Variants in TSHZ2 observed in about 807,000 individuals in gnomAD.
TSHZ2 encodes teashirt homolog 2.
TSHZ2 carries 21 observed loss-of-function variants against 74.4 expected under a neutral mutation model. The ratio of observed to expected loss-of-function variants is 0.28; its 90% CI spans 0.20 to 0.41. The LOEUF is 0.41. Among genes scored for constraint, TSHZ2 ranks in the 10% least tolerant of loss-of-function variants. The pLI, the probability that TSHZ2 is intolerant of heterozygous loss-of-function variation, is 1.00. For synonymous variants in TSHZ2, 540 were observed against 515.3 expected, an observed-to-expected ratio of 1.05 and a Z score of -0.65; for missense variants, 1,244 against 1,293.5, an observed-to-expected ratio of 0.96 and a Z score of 0.59.
intron 1 of TSHZ2, among the ~76,000 whole-genome samples, chr20:53,050,958 T>C (rs1568736836): frequency 6.6e-6 from 1 of 152,258 alleles, no homozygotes; most frequent in Non-Finnish European, 1.5e-5. Context: ...TAGAACTCTT[T>C]AGAGCTTTCA....
At chr20:53,316,451 C>T (rs1030311213) in intron 2 of TSHZ2, among the ~76,000 whole-genome samples, 14 of 152,052 alleles carry the variant, frequency 9.2e-5, no homozygotes, top group African/African-American at 3.1e-4. Context: ...GAAATGCAGG[C>T]AGAGAAATGA....
At chr20:53,395,487 TAGCCAA>T in intron 2 of TSHZ2, among the ~76,000 whole-genome samples, 1 of 152,240 alleles carries the variant, frequency 6.6e-6, no homozygotes, top group Admixed American at 6.5e-5. Flanking sequence ...TCCATTGAGC[TAGCCAA>T]ATATCTTCAA....
intron 1 of TSHZ2, among the ~76,000 whole-genome samples, chr20:53,225,835 A>G (rs981017913): frequency 6.6e-6 from 1 of 152,156 alleles, no homozygotes; most frequent in African/African-American, 2.4e-5. Context: ...TGCTCCTCCA[A>G]TATTATTACA....
chr20:53,255,267 G>C lies in TSHZ2; in HGVS notation c.1809G>C (p.Glu603Asp). 6.2e-7 allele frequency: 1 copy of C among 1,614,216 alleles called. No homozygotes were observed. Among genetic ancestry groups the C allele is most frequent in the Non-Finnish European group, 8.5e-7 (1 of 1,180,040 alleles). ...HLAPYTQVKK[E>D]SEDKDEAVKE... Reference sequence around the variant, plus strand: ...CCCCTTACACTCAAGTCAAGAAAGAGTCAGAAGACAAAGATGAAGCGGTGA... The same window carrying C: ...CCCCTTACACTCAAGTCAAGAAAGACTCAGAAGACAAAGATGAAGCGGTGA... The change falls in exon 2 of 3, where the codon GAG becomes GAC. Residue 603 changes from glutamate to aspartate, a missense_variant. Transcript: ENST00000371497. The surrounding 1 kb of genome is among the most constrained non-coding windows in gnomAD (Gnocchi z 4.1).
intron 1 of TSHZ2, among the ~76,000 whole-genome samples, chr20:52,992,362 TAA>T (rs1372457739): frequency 1.3e-5 from 2 of 152,332 alleles, no homozygotes; most frequent in East Asian, 3.9e-4. Flanking sequence ...AGGATCTTAG[TAA>T]ATGTCATATA....
chr20:53,299,081 G>C (rs1396249229), intron 2 of TSHZ2, among the ~76,000 whole-genome samples: 1 of 152,136 alleles, frequency 6.6e-6, no homozygotes, highest in Non-Finnish European at 1.5e-5. Context: ...TTAGAGCCTG[G>C]GAATTGTCTT....
chr20:53,370,252 A>C (rs1310581388), intron 2 of TSHZ2, among the ~76,000 whole-genome samples: 1 of 152,158 alleles, frequency 6.6e-6, no homozygotes, highest in Non-Finnish European at 1.5e-5. Flanking sequence ...GCCTGAGAGG[A>C]AAGCCAAGGA....
At chr20:52,994,304 T>G (rs558505265) in intron 1 of TSHZ2, among the ~76,000 whole-genome samples, 1 of 151,906 alleles carries the variant, frequency 6.6e-6, no homozygotes, top group Admixed American at 6.5e-5. Context: ...ATGGGTGAAT[T>G]AATGGAAAAA....
chr20:53,115,682 G>A (rs1986649768), intron 1 of TSHZ2, among the ~76,000 whole-genome samples: 1 of 152,134 alleles, frequency 6.6e-6, no homozygotes, highest in Non-Finnish European at 1.5e-5. Context: ...GAGGTGGGGA[G>A]GGAACAGGTG....
intron 1 of TSHZ2, among the ~76,000 whole-genome samples, chr20:53,119,917 T>C (rs1986764342): frequency 6.6e-6 from 1 of 152,224 alleles, no homozygotes; most frequent in African/African-American, 2.4e-5. Context: ...ATAAGGAAGA[T>C]GTAGCCAAGA....
chr20:53,234,038 C>T (rs1322263975), intron 1 of TSHZ2, among the ~76,000 whole-genome samples: 7 of 152,104 alleles, frequency 4.6e-5, no homozygotes, highest in African/African-American at 1.7e-4. Flanking sequence ...AAGCATGGGC[C>T]CAGTAAGTAT....
At chr20:53,154,438 G>A (rs1001514548) in intron 1 of TSHZ2, among the ~76,000 whole-genome samples, 12 of 152,124 alleles carry the variant, frequency 7.9e-5, no homozygotes, top group South Asian at 2.1e-4. Context: ...CCAGCTTCTC[G>A]TCAACTTCCT....
chr20:53,378,257 T>C (rs1180062836), intron 2 of TSHZ2, among the ~76,000 whole-genome samples: 3 of 151,676 alleles, frequency 2.0e-5, no homozygotes, highest in Non-Finnish European at 4.4e-5. Flanking sequence ...GGGGAATCGC[T>C]TGAACCCAGG....
chr20:53,458,944 C>G (rs1266280696), intron 2 of TSHZ2, among the ~76,000 whole-genome samples: 1 of 152,196 alleles, frequency 6.6e-6, no homozygotes, highest in East Asian at 1.9e-4. Context: ...GTTACAATTT[C>G]TGTTCTTTTA....
chr20:53,243,976 T>G (rs934505182), intron 1 of TSHZ2, among the ~76,000 whole-genome samples: 21 of 152,178 alleles, frequency 1.4e-4, no homozygotes, highest in African/African-American at 4.6e-4. Flanking sequence ...ATCCATTATC[T>G]GCATGAAATA....
intron 1 of TSHZ2, among the ~76,000 whole-genome samples, chr20:53,189,384 T>C (rs906623203): frequency 7.2e-5 from 11 of 152,216 alleles, no homozygotes; most frequent in African/African-American, 2.7e-4. Flanking sequence ...TTCAGCTCTG[T>C]GCAAGAAATA....
chr20:53,244,417 C>T (rs1056842954), intron 1 of TSHZ2, among the ~76,000 whole-genome samples: 2 of 152,232 alleles, frequency 1.3e-5, no homozygotes, highest in African/African-American at 2.4e-5. Context: ...TGTTTCGTTT[C>T]ACTTTGTTTT....
intron 2 of TSHZ2, among the ~76,000 whole-genome samples, chr20:53,379,614 T>C (rs1981786793): frequency 6.6e-6 from 1 of 152,156 alleles, no homozygotes; most frequent in African/African-American, 2.4e-5. Flanking sequence ...TCTTGGGATG[T>C]CTTTGCCAAG....
At chr20:53,161,426 T>G (rs1300752409) in intron 1 of TSHZ2, among the ~76,000 whole-genome samples, 1 of 152,162 alleles carries the variant, frequency 6.6e-6, no homozygotes, top group Non-Finnish European at 1.5e-5. Flanking sequence ...TAGAAAGCCT[T>G]ACATGTGTAG....
Sources: gnomAD v4.1 joint callset for allele counts (sites outside exome capture counted in the v4.1 genomes callset) on GRCh38, gnomAD v4.1.1 for gene constraint, Gnocchi (gnomAD v3.1) non-coding constraint, MANE v1.5 for transcripts, NCBI Gene and HGNC (gene_info 2026-07-23, HGNC 2026-07-21) for gene names.